The following UVSSA variants were observed in gnomAD, a reference collection of about 807,000 sequenced individuals.
UVSSA encodes the protein UV stimulated scaffold protein A.
A neutral mutation model predicts 73.9 loss-of-function variants in UVSSA; 72 were observed. That is an observed-to-expected ratio of 0.97 (90% CI 0.81 to 1.19). The LOEUF (loss-of-function observed/expected upper bound fraction) is 1.19, where lower values mean the gene tolerates loss of function less well. Ranked by LOEUF, UVSSA falls within the 50% of genes most tolerant of loss-of-function variation. The pLI is 0.00. For missense variants in UVSSA, 1,150 were observed against 965.0 expected (o/e 1.19, Z -2.54); for synonymous variants, 454 against 391.3 (o/e 1.16, Z -1.89).
At chr4:1,373,169 A>G (rs985246331) in intron 8 of UVSSA, among the ~76,000 whole-genome samples, 3 of 152,202 alleles carry the variant, frequency 2.0e-5, no homozygotes, top group Admixed American at 2.0e-4. Context: ...TCTTGTGTCA[A>G]TAGAATTTTT....
chr4:1,354,057 C>T (rs974144270), intron 5 of UVSSA, among the ~76,000 whole-genome samples: 2 of 152,234 alleles, frequency 1.3e-5, no homozygotes, highest in Non-Finnish European at 2.9e-5. Context: ...TTTGAGGAAC[C>T]TTCTTCTTTG....
At position 1,347,425 on chromosome 4, in the gene UVSSA, C is replaced by G. The variant is rs1225163482; in HGVS notation, c.-338C>G. 6.7e-6 allele frequency: 1 copy of G among 150,136 alleles called. No homozygotes were observed. The highest frequency in any genetic ancestry group is 1.5e-5 in the Non-Finnish European group (1 of 68,050). 9.3% of individuals were successfully genotyped at this position (150,136 alleles called of 1,614,324 possible). ...CGAGCACCGTCGAAGCCGGCGCGCC[C>G]GCCCGGTGCAGCCGCTGTGCGAGAG... On this transcript the variant is annotated 5_prime_UTR_variant, in exon 1 of 14. Transcript: ENST00000389851.
intron 12 of UVSSA, among the ~76,000 whole-genome samples, chr4:1,381,392 C>T (rs969357432): frequency 6.6e-6 from 1 of 152,224 alleles, no homozygotes; most frequent in African/African-American, 2.4e-5. Flanking sequence ...AGCCATACCC[C>T]GCACCTGCCT....
In UVSSA at chr4:1,355,216, A is replaced by T; in HGVS notation, c.1147A>T (p.Ile383Phe). 2 of 1,611,970 alleles carry T rather than the reference A, an allele frequency of 1.2e-6. No homozygotes were observed. The highest frequency in any genetic ancestry group is 1.7e-6 in the Non-Finnish European group (2 of 1,178,980). The change falls in exon 7 of 14, where the codon ATC becomes TTC. Residue 383 changes from isoleucine (I) to phenylalanine (F), a missense_variant. By Grantham distance (21) the Ile-to-Phe change is conservative. Coordinates refer to ENST00000389851, the MANE Select transcript of UVSSA (RefSeq NM_020894.4). Reference sequence around the variant, plus strand: ...ACTGAGAAAATACAAGGAGCTGGACATCGAGCCTGAGGGAGGGGAAAGGCG... The same window carrying T: ...ACTGAGAAAATACAAGGAGCTGGACTTCGAGCCTGAGGGAGGGGAAAGGCG... The part of the protein sequence containing the change: ...LVLRKYKELD[I>F]EPEGGERRRT...
At chr4:1,361,533 C>T (rs961958869) in intron 7 of UVSSA, among the ~76,000 whole-genome samples, 5 of 152,258 alleles carry the variant, frequency 3.3e-5, no homozygotes, top group African/African-American at 7.2e-5. Context: ...AGGTTCTGCT[C>T]GGCCCCGACA....
chr4:1,372,096 C>T (rs1263731697), intron 8 of UVSSA, among the ~76,000 whole-genome samples: 1 of 152,188 alleles, frequency 6.6e-6, no homozygotes, highest in Non-Finnish European at 1.5e-5. Context: ...ACTTAAAATC[C>T]AGCTTTTCTA....
intron 8 of UVSSA, chr4:1,374,939 T>C (rs1476918907): frequency 1.1e-5 from 2 of 185,666 alleles, no homozygotes; most frequent in East Asian, 3.2e-4. Flanking sequence ...ACCTCAGGCT[T>C]GGGTGCTGGG....
At chr4:1,366,265 C>A in intron 7 of UVSSA, 55 bp from the exon 8 acceptor site, 2 of 1,385,022 alleles carry the variant, frequency 1.4e-6, no homozygotes, top group African/African-American at 1.4e-5. Context: ...CCACCGGGAG[C>A]TGTGTTCATA....
chr4:1,350,000 T>C lies in UVSSA; in HGVS notation c.429+146T>C, dbSNP rs561542353. 8.8e-5 allele frequency: 67 copies of C among 764,164 alleles called. No homozygotes were observed. In the South Asian group the frequency reaches 1.1e-3, roughly 12 times the overall value. 47.3% of individuals were successfully genotyped at this position (764,164 alleles called of 1,614,324 possible). On this transcript the variant is annotated intron_variant, in intron 3 of 13. Transcript: ENST00000389851. Reference sequence around the variant, plus strand: ...CCTGAACACCCAGGCTGCCAGACCATCTGTGGGGTGTGGGAAAGAGGGCAG... The same window carrying C: ...CCTGAACACCCAGGCTGCCAGACCACCTGTGGGGTGTGGGAAAGAGGGCAG...
intron 10 of UVSSA, among the ~76,000 whole-genome samples, chr4:1,378,952 C>G (rs1469467256): frequency 1.3e-5 from 2 of 152,246 alleles, no homozygotes; most frequent in Admixed American, 6.5e-5. Context: ...CCAGCCTCAT[C>G]CCAGACCAAG....
upstream of UVSSA, among the ~76,000 whole-genome samples, chr4:1,345,680 C>CAGGGCCAT (rs1713612292): frequency 7.3e-6 from 1 of 137,548 alleles, no homozygotes; most frequent in African/African-American, 3.0e-5. Context: ...AAAAAGGCTG[C>CAGGGCCAT]AGGGCCATCA....
chr4:1,378,924 C>G (rs1254228512), intron 10 of UVSSA, among the ~76,000 whole-genome samples: 1 of 152,254 alleles, frequency 6.6e-6, no homozygotes, highest in African/African-American at 2.4e-5. Flanking sequence ...GCGTTCCCAC[C>G]CACTGCCTTA....
At chr4:1,385,598 G>A (rs1039874559) in intron 13 of UVSSA, 11 of 500,642 alleles carry the variant, frequency 2.2e-5, no homozygotes, top group Admixed American at 2.0e-4. Flanking sequence ...GCCAAGGTGG[G>A]GCTGGGGCCA....
chr4:1,379,748 G>A lies in UVSSA; in HGVS notation c.1569-299G>A, dbSNP rs115521860. Among the ~76,000 whole-genome samples, 315 of 149,242 alleles carry A rather than the reference G, an allele frequency of 2.1e-3. 1 individual carries two copies. The highest frequency in any genetic ancestry group is 7.6e-3 in the African/African-American group (300 of 39,570). On this transcript the variant is annotated intron_variant, in intron 10 of 13. Coordinates refer to ENST00000389851, the MANE Select transcript of UVSSA (RefSeq NM_020894.4). ...GTGGCAGTCGTGCCCGTGGTCGCGC[G>A]GCTGGTTCACGTGGCGTCAGAATTC...
At chr4:1,385,762 C>A in intron 13 of UVSSA, 106 bp from the exon 14 acceptor site, 2 of 1,146,490 alleles carry the variant, frequency 1.7e-6, no homozygotes, top group Non-Finnish European at 1.3e-6. Flanking sequence ...TGTCCGAGGG[C>A]AGCAGTTGCC....
At chr4:1,356,379 C>A (rs1421445433) in intron 7 of UVSSA, among the ~76,000 whole-genome samples, 1 of 152,154 alleles carries the variant, frequency 6.6e-6, no homozygotes, top group East Asian at 1.9e-4. Flanking sequence ...GCAGCCCCCC[C>A]AGGGGCCAGC....
chr4:1,364,028 G>A (rs1577329698), intron 7 of UVSSA, among the ~76,000 whole-genome samples: 3 of 71,540 alleles, frequency 4.2e-5, no homozygotes, highest in African/African-American at 1.2e-4. Context: ...GCAGGGTGCT[G>A]GTGCCCGGGC....
chr4:1,380,541 A>G, intron 11 of UVSSA: 1 of 1,115,672 alleles, frequency 9.0e-7, no homozygotes, highest in Admixed American at 2.7e-5. Flanking sequence ...TGGGATCCTC[A>G]AAAGTGAGGA....
intron 10 of UVSSA, 124 bp from the exon 11 acceptor site, chr4:1,379,923 T>C (rs1719263312): frequency 2.0e-5 from 24 of 1,175,152 alleles, no homozygotes; most frequent in African/African-American, 4.6e-5. Flanking sequence ...CCCTGGGTGC[T>C]GTCCACAGTG....
Sources: gnomAD v4.1 joint callset for allele counts (sites outside exome capture counted in the v4.1 genomes callset) on GRCh38, gnomAD v4.1.1 for gene constraint, MANE v1.5 for transcripts, NCBI Gene and HGNC (gene_info 2026-07-23, HGNC 2026-07-21) for gene names.